The following ANAPC1 variants were observed in gnomAD, a reference collection of about 807,000 sequenced individuals.
ANAPC1 encodes the protein anaphase-promoting complex subunit 1.
Under a neutral mutation model 208.0 loss-of-function variants are expected in ANAPC1, and 36 were observed. The observed-to-expected ratio is 0.17, with a 90% CI of 0.13 to 0.23. ANAPC1 has a LOEUF of 0.23. ANAPC1 is among the 10% of genes least tolerant of loss of function. The pLI is 1.00. For synonymous variants in ANAPC1, 378 were observed against 695.2 expected, an observed-to-expected ratio of 0.54 and a Z score of 7.18; for missense variants, 942 against 2,011.6, an observed-to-expected ratio of 0.47 and a Z score of 10.17.
intron 6 of ANAPC1, among the ~76,000 whole-genome samples, chr2:111,871,292 T>C (rs555972931): frequency 4.6e-5 from 7 of 152,230 alleles, no homozygotes; most frequent in Non-Finnish European, 7.3e-5. Flanking sequence ...TTTCACAATA[T>C]GGATTCTTCA....
chr2:111,843,422 C>T lies in ANAPC1; in HGVS notation c.2030G>A (p.Trp677Ter). The change falls in exon 17 of 48, where the codon TGG becomes TAG. Residue 677 changes from tryptophan to a stop codon, truncating the protein, a stop_gained. Coordinates refer to ENST00000341068, the MANE Select transcript of ANAPC1 (RefSeq NM_022662.4). LOFTEE classifies it high-confidence loss of function. Reference protein sequence around the residue: ...MMGYNTDRLAWTRNFDFEGSL... With the variant: ...MMGYNTDRLA ...ATAGTATTTACTTACATTTCTAGTC[C>T]ATGCTAAGCGGTCTGTGTTATAACC... The T allele has an allele frequency of 4.3e-6, 7 of 1,611,880 alleles. No individual in the cohort carries two copies. The highest frequency in any genetic ancestry group is 5.9e-6 in the Non-Finnish European group (7 of 1,179,818).
At chr2:111,836,878 G>C (rs1320556971) in intron 18 of ANAPC1, among the ~76,000 whole-genome samples, 1 of 151,450 alleles carries the variant, frequency 6.6e-6, no homozygotes, top group Non-Finnish European at 1.5e-5. Flanking sequence ...TGAGGCATGA[G>C]AACTGCCTGA....
intron 7 of ANAPC1, among the ~76,000 whole-genome samples, chr2:111,867,305 A>G (rs955092200): frequency 4.9e-4 from 75 of 152,064 alleles, no homozygotes; most frequent in African/African-American, 1.8e-3. Flanking sequence ...AAGAAAGAAA[A>G]AAAAAAACCA....
rs539102380 is a variant in ANAPC1, at chr2:111,794,795, A to G, written c.4373+23T>C. ...TTATCTGATAGACGCTAGGATAGCTAATTTGCATTATACATCACTTACGAC... is the reference window on the plus strand; with the variant it reads ...TTATCTGATAGACGCTAGGATAGCTGATTTGCATTATACATCACTTACGAC... On this transcript the variant is annotated intron_variant, in intron 35 of 47. Transcript: ENST00000341068. 237 of 1,159,714 alleles carry G rather than the reference A, an allele frequency of 2.0e-4. No individual in the cohort carries two copies. The African/African-American group carries it at 3.3e-3, about 16-fold the overall frequency. The allele number at this position is 1,159,714 out of a possible 1,614,324, so 71.8% of individuals were successfully genotyped here. A position where few individuals can be genotyped will look rare whatever the true frequency, so the allele number is the denominator to read the frequency against.
Position 111,880,776 on chromosome 2 carries a change from A to C in ANAPC1, c.50T>G (p.Leu17Trp), listed in dbSNP as rs1683259333. The change falls in exon 2 of 48, where the codon TTG (leucine) becomes TGG (tryptophan). Residue 17 changes from leucine to tryptophan, a missense_variant. Physicochemically the swap from Leu to Trp is moderately conservative, Grantham distance 61 (BLOSUM62 -2). Transcript: ENST00000341068. ...TCGACCAAAAGGAACAAATTCCTGCAAATCCCTTGCTGCAATCATCGTTGT... is the reference window on the plus strand; with the variant it reads ...TCGACCAAAAGGAACAAATTCCTGCCAATCCCTTGCTGCAATCATCGTTGT... ...ERTTMIAARD[L>W]QEFVPFGRDH... 1 of 1,613,926 alleles carries C rather than the reference A, an allele frequency of 6.2e-7. No homozygotes were observed. Among genetic ancestry groups the C allele is most frequent in the Admixed American group, 1.7e-5 (1 of 59,998 alleles).
intron 16 of ANAPC1, among the ~76,000 whole-genome samples, chr2:111,846,559 A>ATATATT (rs1553430004): frequency 2.2e-5 from 1 of 46,266 alleles, no homozygotes; most frequent in African/African-American, 8.0e-5. Flanking sequence ...ATATATATAT[A>ATATATT]TTTTTTTTTT....
intron 18 of ANAPC1, among the ~76,000 whole-genome samples, chr2:111,835,294 T>C (rs1306897417): frequency 6.6e-6 from 1 of 152,244 alleles, no homozygotes; most frequent in Non-Finnish European, 1.5e-5. Flanking sequence ...TCTTTCCACA[T>C]GTATAAGATG....
intron 13 of ANAPC1, chr2:111,856,267 T>C (rs1004657937): frequency 4.9e-6 from 1 of 205,322 alleles, no homozygotes; most frequent in Non-Finnish European, 9.9e-6. Flanking sequence ...CCACATTTAA[T>C]ATAGTGAAAC....
rs1222189168 is a variant in ANAPC1 at position 111,873,671 on chromosome 2, T to G, written c.376-7A>C. 1 of 1,583,362 alleles carries G rather than the reference T, an allele frequency of 6.3e-7. No individual in the cohort carries two copies. The highest frequency in any genetic ancestry group is 8.5e-7 in the Non-Finnish European group (1 of 1,171,800). On this transcript the variant is annotated splice_region_variant and splice_polypyrimidine_tract_variant and intron_variant, in intron 3 of 47. Coordinates refer to ENST00000341068, the MANE Select transcript of ANAPC1 (RefSeq NM_022662.4). ...TGAAGTCACACCACAATGCCTAAAA[T>G]CAAAACAAAATGCTTACCTAAGAAA...
chr2:111,821,678 A>C (rs1378668101), intron 25 of ANAPC1: 1 of 465,240 alleles, frequency 2.1e-6, no homozygotes, highest in African/African-American at 2.0e-5. Flanking sequence ...CACACTCTGT[A>C]ATCCCAGCAC....
chr2:111,858,644 C>G (rs925217972), intron 10 of ANAPC1, among the ~76,000 whole-genome samples: 1 of 151,952 alleles, frequency 6.6e-6, no homozygotes, highest in Non-Finnish European at 1.5e-5. Context: ...CGCCTGTGGT[C>G]GCAGCTACTC....
chr2:111,805,327 T>C (rs1678625608), intron 30 of ANAPC1, among the ~76,000 whole-genome samples: 1 of 133,050 alleles, frequency 7.5e-6, no homozygotes, highest in Non-Finnish European at 1.6e-5. Context: ...GAGTTAAAGA[T>C]GGGTCAATCA....
At chr2:111,843,887 C>T (rs1680909409) in intron 16 of ANAPC1, among the ~76,000 whole-genome samples, 2 of 131,150 alleles carry the variant, frequency 1.5e-5, no homozygotes, top group Non-Finnish European at 3.1e-5. Flanking sequence ...TGCTGTGGCA[C>T]GGTCTTGGCA....
intron 9 of ANAPC1, among the ~76,000 whole-genome samples, chr2:111,862,962 T>C (rs1157404917): frequency 1.3e-5 from 2 of 152,090 alleles, no homozygotes; most frequent in African/African-American, 2.4e-5. Context: ...TATACATATC[T>C]GGTCATTTAA....
rs1680362182 is a variant in ANAPC1, at chr2:111,834,612, C to A, written c.2376G>T (p.Gln792His). 1.3e-6 allele frequency: 2 copies of A among 1,588,572 alleles called. No individual in the cohort carries two copies. Among genetic ancestry groups the A allele is most frequent in the African/African-American group, 2.7e-5 (2 of 73,724 alleles). ...GICSLVELLV[Q>H]LARDLKLGPY... is the part of the protein sequence containing the mutation. Reference sequence around the variant, plus strand: ...CCTACAAACAAATTTACCTTGCCAACTGAACGAGAAGTTCAACAAGTGAAC... The same window carrying A: ...CCTACAAACAAATTTACCTTGCCAAATGAACGAGAAGTTCAACAAGTGAAC... Residue 792 changes from glutamine (Q) to histidine (H), a missense_variant, in exon 19 of 48, where the codon CAG becomes CAT. Transcript: ENST00000341068.
intron 24 of ANAPC1, among the ~76,000 whole-genome samples, chr2:111,824,435 T>C (rs1288328818): frequency 2.6e-5 from 4 of 152,152 alleles, no homozygotes; most frequent in African/African-American, 9.7e-5. Flanking sequence ...ATTTCTTTGG[T>C]ATTTTACTTA....
chr2:111,834,007 T>C (rs532868985), intron 19 of ANAPC1, among the ~76,000 whole-genome samples: 1 of 152,322 alleles, frequency 6.6e-6, no homozygotes, highest in South Asian at 2.1e-4. Context: ...ATACACCAGG[T>C]GCTTCAAAGC....
intron 3 of ANAPC1, among the ~76,000 whole-genome samples, chr2:111,876,335 A>G (rs373898691): frequency 1.3e-5 from 2 of 152,244 alleles, no homozygotes; most frequent in South Asian, 2.1e-4. Context: ...CATATACCTG[A>G]TATTATTTCA....
intron 45 of ANAPC1, among the ~76,000 whole-genome samples, chr2:111,778,003 C>G (rs1677078334): frequency 6.6e-6 from 1 of 152,238 alleles, no homozygotes; most frequent in Admixed American, 6.5e-5. Flanking sequence ...TTTAAGATAC[C>G]AAGGCAAATT....
Sources: gnomAD v4.1 joint callset for allele counts (sites outside exome capture counted in the v4.1 genomes callset) on GRCh38, gnomAD v4.1.1 for gene constraint, MANE v1.5 for transcripts, NCBI Gene and HGNC (gene_info 2026-07-23, HGNC 2026-07-21) for gene names.